The following NUSAP1 variants were observed in gnomAD, a reference collection of about 807,000 sequenced individuals.
The protein encoded by NUSAP1 is nucleolar and spindle-associated protein 1.
Under a neutral mutation model 52.8 loss-of-function variants are expected in NUSAP1, and 32 were observed. That is an observed-to-expected ratio of 0.61 (90% CI 0.46 to 0.81). The LOEUF (loss-of-function observed/expected upper bound fraction) is 0.81, where lower values mean the gene tolerates loss of function less well. NUSAP1 is among the 40% of genes least tolerant of loss of function. The pLI is 0.00. For missense variants in NUSAP1, 499 were observed against 522.3 expected (o/e 0.96, Z 0.43); for synonymous variants, 195 against 183.1 (o/e 1.06, Z -0.52).
rs772738465 is a variant in NUSAP1, at chr15:41,351,128, A to G, written c.447A>G (p.Ser149=). Residue 149 remains serine, a splice_region_variant and synonymous_variant, in exon 4 of 11, where the codon TCA becomes TCG. Transcript: ENST00000559596. Reference sequence around the variant, plus strand: ...AAGAAGCTGAGAATGCTGTTTCCTCAGGTAAACGTGGAATAAATGGTATGT... The same window carrying G: ...AAGAAGCTGAGAATGCTGTTTCCTCGGGTAAACGTGGAATAAATGGTATGT... The part of the protein sequence containing the change: ...EHQEAENAVS[S]GNRDSKVPSE... 1.8e-5 allele frequency: 29 copies of G among 1,605,584 alleles called. No individual in the cohort carries two copies. The highest frequency in any genetic ancestry group is 2.5e-5 in the Non-Finnish European group (29 of 1,177,950).
rs542160774 is a variant in NUSAP1 at position 41,348,799 on chromosome 15, C to T, written c.163-299C>T. ...GATTACAGGCATGCACCACCATGCC[C>T]GGGTAATTTTCTATTTTTAGTAGAG... On this transcript the variant is annotated intron_variant, in intron 2 of 10. Transcript: ENST00000559596. Among the ~76,000 whole-genome samples the T allele has an allele frequency of 3.9e-5, 6 of 151,914 alleles. No homozygotes were observed. The East Asian group carries it at 5.9e-4, about 15-fold the overall frequency.
At chr15:41,362,691 A>C (rs968748860) in intron 6 of NUSAP1, among the ~76,000 whole-genome samples, 1 of 151,910 alleles carries the variant, frequency 6.6e-6, no homozygotes, top group African/African-American at 2.4e-5. Flanking sequence ...CGGCCTCCCA[A>C]AATGCTGGGA....
chr15:41,371,216 G>A (rs1354427604), intron 7 of NUSAP1, among the ~76,000 whole-genome samples: 1 of 152,110 alleles, frequency 6.6e-6, no homozygotes, highest in Non-Finnish European at 1.5e-5. Flanking sequence ...GGAGGAAGGG[G>A]AGCTTTTGGC....
chr15:41,335,350 T>C (rs1157053542), intron 1 of NUSAP1, among the ~76,000 whole-genome samples: 1 of 143,120 alleles, frequency 7.0e-6, no homozygotes, highest in East Asian at 2.0e-4. Flanking sequence ...ATATACTAAA[T>C]ACACTAAAAT....
intron 6 of NUSAP1, among the ~76,000 whole-genome samples, chr15:41,362,187 TAAAC>T (rs2049202002): frequency 6.6e-6 from 1 of 151,986 alleles, no homozygotes; most frequent in Admixed American, 6.6e-5. Context: ...CCATCTCAAA[TAAAC>T]AAATACATAT....
intron 10 of NUSAP1, among the ~76,000 whole-genome samples, chr15:41,378,745 G>A (rs1191626543): frequency 6.6e-6 from 1 of 151,694 alleles, no homozygotes; most frequent in African/African-American, 2.4e-5. Flanking sequence ...ACTACAGCCT[G>A]GGCAACAAGA....
At chr15:41,364,393 A>G (rs2049302889) in intron 6 of NUSAP1, among the ~76,000 whole-genome samples, 1 of 151,842 alleles carries the variant, frequency 6.6e-6, no homozygotes, top group Non-Finnish European at 1.5e-5. Context: ...TAAAAATACA[A>G]AAATTAGTCG....
Position 41,380,319 on chromosome 15 carries a change from CCATGGGTTCTT to C in NUSAP1, c.*138_*148del. On this transcript the variant is annotated 3_prime_UTR_variant, in exon 11 of 11. Coordinates refer to ENST00000559596, the MANE Select transcript of NUSAP1 (RefSeq NM_016359.5). ...TAACTGTTCATAGTCTGTGTAGTGT[CCATGGGTTCTT>C]CATGTGCTATGATCTCTGAAAAGAC... The C allele has an allele frequency of 1.7e-6, 1 of 601,704 alleles. No homozygotes were observed. Among genetic ancestry groups the C allele is most frequent in the African/African-American group, 1.9e-5 (1 of 53,464 alleles). The allele number at this position is 601,704 out of a possible 1,614,324, so 37.3% of individuals were successfully genotyped here. A position where few individuals can be genotyped will look rare whatever the true frequency, so the allele number is the denominator to read the frequency against.
intron 6 of NUSAP1, among the ~76,000 whole-genome samples, chr15:41,360,248 C>A (rs2049122352): frequency 6.6e-6 from 1 of 151,952 alleles, no homozygotes; most frequent in South Asian, 2.1e-4. Context: ...AAGTGATTCT[C>A]CCACCTCAGC....
intron 2 of NUSAP1, among the ~76,000 whole-genome samples, chr15:41,347,161 G>T (rs1156636605): frequency 1.3e-5 from 2 of 152,088 alleles, no homozygotes; most frequent in African/African-American, 4.8e-5. Context: ...AACAGAACTA[G>T]ACTCTGTCTC....
chr15:41,363,946 G>A (rs1447299647), intron 6 of NUSAP1, among the ~76,000 whole-genome samples: 1 of 151,990 alleles, frequency 6.6e-6, no homozygotes, highest in African/African-American at 2.4e-5. Flanking sequence ...GGGGATAGAG[G>A]GAGAGGATAG....
At chr15:41,364,982 A>G (rs1165138551) in intron 6 of NUSAP1, among the ~76,000 whole-genome samples, 1 of 152,200 alleles carries the variant, frequency 6.6e-6, no homozygotes, top group East Asian at 1.9e-4. Flanking sequence ...GAATCCCCAT[A>G]GCAATAAATG....
chr15:41,362,822 T>G (rs1296428086), intron 6 of NUSAP1, among the ~76,000 whole-genome samples: 1 of 152,136 alleles, frequency 6.6e-6, no homozygotes, highest in African/African-American at 2.4e-5. Flanking sequence ...CTTTTAAGGC[T>G]TACTTTTTTG....
At chr15:41,336,999 C>CTTTTTTTTTTTTTTTTTTTT (rs201223527) in intron 1 of NUSAP1, among the ~76,000 whole-genome samples, 1 of 65,826 alleles carries the variant, frequency 1.5e-5, no homozygotes, top group Non-Finnish European at 2.7e-5. Context: ...CTTTCCTTTT[C>CTTTTTTTTTTTTTTTTTTTT]TTTTTTTTTT....
intron 8 of NUSAP1, among the ~76,000 whole-genome samples, chr15:41,374,727 A>G (rs772445184): frequency 5.9e-5 from 9 of 151,830 alleles, no homozygotes; most frequent in Non-Finnish European, 1.2e-4. Context: ...GAGTTTCACT[A>G]TGTTGGCCAG....
chr15:41,375,841 GT>G lies in NUSAP1; in HGVS notation c.1123+17del, dbSNP rs762269408. On this transcript the variant is annotated intron_variant, in intron 9 of 10. Coordinates refer to ENST00000559596, the MANE Select transcript of NUSAP1 (RefSeq NM_016359.5). ...GAACCACACAAAGGTATGTGGGAGT[GT>G]TTTGAGCTACAGGGCCTGTAAAATA... 6.5e-7 allele frequency: 1 copy of G among 1,542,022 alleles called. No homozygotes were observed. Among genetic ancestry groups the G allele is most frequent in the Non-Finnish European group, 9.0e-7 (1 of 1,114,612 alleles).
Position 41,377,182 on chromosome 15 carries a change from C to A in NUSAP1, c.1124-14C>A, listed in dbSNP as rs1338497367. 2 of 1,303,414 alleles carry A rather than the reference C, an allele frequency of 1.5e-6. No individual in the cohort carries two copies. Among genetic ancestry groups the A allele is most frequent in the Non-Finnish European group, 2.1e-6 (2 of 940,338 alleles). The allele number at this position is 1,303,414 out of a possible 1,614,324, so 80.7% of individuals were successfully genotyped here. A position where few individuals can be genotyped will look rare whatever the true frequency, so the allele number is the denominator to read the frequency against. ...ACAATCTTTTTAAAATTCTTTGTCTCTGTCCTAAACTAGGAAAGCTAAAAC... is the reference window on the plus strand; with the variant it reads ...ACAATCTTTTTAAAATTCTTTGTCTATGTCCTAAACTAGGAAAGCTAAAAC... On this transcript the variant is annotated splice_polypyrimidine_tract_variant and intron_variant, in intron 9 of 10. Coordinates refer to ENST00000559596, the MANE Select transcript of NUSAP1 (RefSeq NM_016359.5).
intron 8 of NUSAP1, among the ~76,000 whole-genome samples, chr15:41,372,635 G>A (rs2049747329): frequency 6.6e-6 from 1 of 152,174 alleles, no homozygotes; most frequent in Admixed American, 6.6e-5. Context: ...GCAGTCCCTT[G>A]TTCTACTCCC....
intron 2 of NUSAP1, 51 bp from the exon 3 acceptor site, chr15:41,349,047 G>A: frequency 1.3e-6 from 2 of 1,548,350 alleles, no homozygotes; most frequent in Non-Finnish European, 1.8e-6. Context: ...TTCTTCCTGA[G>A]CATTATAACT....
Sources: gnomAD v4.1 joint callset for allele counts (sites outside exome capture counted in the v4.1 genomes callset) on GRCh38, gnomAD v4.1.1 for gene constraint, MANE v1.5 for transcripts, NCBI Gene and HGNC (gene_info 2026-07-23, HGNC 2026-07-21) for gene names.